FAM200B: variants seen among roughly 807,000 people sequenced by gnomAD.
FAM200B encodes zinc finger BED-type containing 11, also known as protein FAM200B.
A neutral mutation model predicts 33.1 loss-of-function variants in FAM200B; 32 were observed. That is an observed-to-expected ratio of 0.97 (90% CI 0.73 to 1.30). FAM200B has a LOEUF of 1.30. Ranked by LOEUF, FAM200B falls within the 50% of genes most tolerant of loss-of-function variation. The pLI, the probability that FAM200B is intolerant of heterozygous loss-of-function variation, is 0.00. For missense variants in FAM200B, 741 were observed against 754.0 expected, an observed-to-expected ratio of 0.98 and a Z score of 0.20; for synonymous variants, 240 against 264.8, an observed-to-expected ratio of 0.91 and a Z score of 0.91.
At chr4:15,682,539 T>C (rs1718409116) in intron 1 of FAM200B, among the ~76,000 whole-genome samples, 1 of 152,266 alleles carries the variant, frequency 6.6e-6, no homozygotes, top group Non-Finnish European at 1.5e-5. Flanking sequence ...CAATCTGTAA[T>C]GTGTACATCT....
rs1355321843 is a variant in FAM200B, at chr4:15,686,958, TG to T, written c.-18del. The T allele has an allele frequency of 3.2e-6, 4 of 1,246,316 alleles. No homozygotes were observed. The highest frequency in any genetic ancestry group is 4.3e-6 in the Non-Finnish European group (4 of 932,718). 77.2% of individuals were successfully genotyped at this position (1,246,316 alleles called of 1,614,324 possible). On this transcript the variant is annotated 5_prime_UTR_variant, in exon 2 of 2. Coordinates refer to ENST00000422728, the MANE Select transcript of FAM200B (RefSeq NM_001145191.2). Reference sequence around the variant, plus strand: ...GCCAATTATAACATTTTAATCAAACTGGAACAAATTGCTATTAAAATGGATC... The same window carrying T: ...GCCAATTATAACATTTTAATCAAACTGAACAAATTGCTATTAAAATGGATC...
the FAM200B span, among the ~76,000 whole-genome samples, chr4:15,643,147 T>C: frequency 6.6e-6 from 1 of 152,196 alleles, no homozygotes; most frequent in Non-Finnish European, 1.5e-5. Flanking sequence ...TACTATCTAG[T>C]ACCCTACCCC....
the FAM200B span, among the ~76,000 whole-genome samples, chr4:15,649,151 G>A: frequency 6.6e-6 from 1 of 150,688 alleles, no homozygotes; most frequent in African/African-American, 2.4e-5. Context: ...ATTTGATGAA[G>A]TGAAAACAAA....
the FAM200B span, among the ~76,000 whole-genome samples, chr4:15,654,897 C>G: frequency 6.6e-6 from 1 of 152,070 alleles, no homozygotes; most frequent in African/African-American, 2.4e-5. Context: ...CCCAGCGCGG[C>G]GGTGGGGCCG....
the FAM200B span, among the ~76,000 whole-genome samples, chr4:15,652,114 G>C: frequency 6.6e-6 from 1 of 152,144 alleles, no homozygotes; most frequent in Non-Finnish European, 1.5e-5. Context: ...CTCACTGACA[G>C]AATTAATGGA....
chr4:15,680,997 T>A (rs537019941), upstream of FAM200B, among the ~76,000 whole-genome samples: 4 of 148,116 alleles, frequency 2.7e-5, no homozygotes, highest in African/African-American at 7.4e-5. Flanking sequence ...CACAAAAAAA[T>A]TTGGTTTGTG....
At chr4:15,666,638 CT>C in the FAM200B span, among the ~76,000 whole-genome samples, 2 of 151,790 alleles carry the variant, frequency 1.3e-5, no homozygotes, top group African/African-American at 2.4e-5. Flanking sequence ...TAAGAGAAGC[CT>C]GGGAAACATA....
upstream of FAM200B, among the ~76,000 whole-genome samples, chr4:15,681,048 A>C (rs1718238553): frequency 6.6e-6 from 1 of 151,608 alleles, no homozygotes; most frequent in Non-Finnish European, 1.5e-5. Context: ...CTTGTTAATG[A>C]TCAAGAAATC....
chr4:15,679,759 A>G (rs1038471170), upstream of FAM200B, among the ~76,000 whole-genome samples: 9 of 149,806 alleles, frequency 6.0e-5, no homozygotes, highest in Admixed American at 4.7e-4. Context: ...GTTCTTTCCA[A>G]TCCCCCTAAA....
chr4:15,666,095 A>T, the FAM200B span, among the ~76,000 whole-genome samples: 3 of 151,664 alleles, frequency 2.0e-5, no homozygotes, highest in Non-Finnish European at 4.4e-5. Flanking sequence ...TTGGCTTTTC[A>T]GTTTAAAAAT....
chr4:15,658,902 C>T, the FAM200B span, among the ~76,000 whole-genome samples: 8 of 152,200 alleles, frequency 5.3e-5, no homozygotes, highest in African/African-American at 1.9e-4. Flanking sequence ...TCATATTCAG[C>T]GTTAAACTGG....
the FAM200B span, among the ~76,000 whole-genome samples, chr4:15,651,703 CTGTATAAATAAA>C: frequency 6.6e-6 from 1 of 152,178 alleles, no homozygotes; most frequent in Non-Finnish European, 1.5e-5. Flanking sequence ...AATGTCCTAT[CTGTATAAATAAA>C]TGTATAAATA....
the FAM200B span, among the ~76,000 whole-genome samples, chr4:15,668,932 C>G: frequency 1.3e-5 from 2 of 152,146 alleles, no homozygotes; most frequent in Admixed American, 1.3e-4. Flanking sequence ...TTACTTTTTA[C>G]CACTGCAGAA....
the FAM200B span, chr4:15,655,276 A>G: frequency 4.2e-5 from 60 of 1,431,114 alleles, no homozygotes; most frequent in Non-Finnish European, 4.5e-5. Flanking sequence ...CTTCTTCAGG[A>G]AAGGGCGCCA....
rs1275990403 is a variant in FAM200B, at chr4:15,688,228, A to G, written c.1251A>G (p.Ala417=). Residue 417 remains alanine, a synonymous_variant, in exon 2 of 2, where the codon GCA becomes GCG. Coordinates refer to ENST00000422728, the MANE Select transcript of FAM200B (RefSeq NM_001145191.2). Reference sequence around the variant, plus strand: ...TCATTGAAAAAAAATCTCATTTGGCAAGTATTTTTGAAGATGATACTTGGG... The same window carrying G: ...TCATTGAAAAAAAATCTCATTTGGCGAGTATTTTTGAAGATGATACTTGGG... ...FFLIEKKSHL[A]SIFEDDTWVT... 1.9e-6 allele frequency: 3 copies of G among 1,550,762 alleles called. No homozygotes were observed. Among genetic ancestry groups the G allele is most frequent in the Non-Finnish European group, 2.6e-6 (3 of 1,146,404 alleles).
At chr4:15,637,390 A>C in the FAM200B span, among the ~76,000 whole-genome samples, 1 of 152,240 alleles carries the variant, frequency 6.6e-6, no homozygotes, top group Non-Finnish European at 1.5e-5. Context: ...AATGAAAATG[A>C]AGTGTTACAA....
the FAM200B span, among the ~76,000 whole-genome samples, chr4:15,654,415 T>G: frequency 9.9e-3 from 1,508 of 152,362 alleles, 13 homozygotes; most frequent in Non-Finnish European, 0.016. Flanking sequence ...CAGCTTATGC[T>G]GCACCAATTA....
upstream of FAM200B, among the ~76,000 whole-genome samples, chr4:15,677,718 T>A (rs1271502232): frequency 1.3e-5 from 2 of 152,238 alleles, no homozygotes; most frequent in African/African-American, 4.8e-5. Flanking sequence ...TCCATTTGGC[T>A]GTTCCCAAGT....
the FAM200B span, among the ~76,000 whole-genome samples, chr4:15,663,734 T>G: frequency 4.8e-4 from 73 of 152,328 alleles, no homozygotes; most frequent in Non-Finnish European, 6.2e-4. Flanking sequence ...TTTCTGTCAC[T>G]ACTCAACAAA....
Sources: allele counts gnomAD v4.1 joint callset (sites outside exome capture counted in the v4.1 genomes callset), GRCh38; gene constraint gnomAD v4.1.1; transcripts MANE v1.5; gene names NCBI Gene and HGNC (gene_info 2026-07-23, HGNC 2026-07-21).